COBL: variants seen among roughly 807,000 people sequenced by gnomAD.
The protein encoded by COBL is cordon-bleu WH2 repeat protein.
Under a neutral mutation model 98.8 loss-of-function variants are expected in COBL, and 51 were observed. That is an observed-to-expected ratio of 0.52 (90% CI 0.41 to 0.65). COBL has a LOEUF of 0.65. Among genes scored for constraint, COBL ranks in the 30% least tolerant of loss-of-function variants. COBL has a pLI of 0.00. For synonymous variants in COBL, 634 were observed against 651.7 expected (o/e 0.97, Z 0.41); for missense variants, 1,617 against 1,617.5 (o/e 1.00, Z 0.01).
intron 1 of COBL, among the ~76,000 whole-genome samples, chr7:51,305,369 G>A (rs1449625378): frequency 6.6e-6 from 1 of 152,120 alleles, no homozygotes; most frequent in African/African-American, 2.4e-5. Flanking sequence ...CTCAGAAAAT[G>A]AAAAGTAAAC....
intron 1 of COBL, among the ~76,000 whole-genome samples, chr7:51,280,814 G>A (rs1386061915): frequency 3.3e-5 from 5 of 152,162 alleles, no homozygotes; most frequent in Non-Finnish European, 7.3e-5. Context: ...GAGAAGATCT[G>A]AAGAGCACTG....
chr7:51,256,585 G>A (rs1371894197), intron 1 of COBL, among the ~76,000 whole-genome samples: 1 of 152,226 alleles, frequency 6.6e-6, no homozygotes, highest in African/African-American at 2.4e-5. Flanking sequence ...CCACTACCCG[G>A]ATCCACATCC....
At chr7:51,032,174 G>T (rs116537476) in intron 8 of COBL, 1 of 152,222 alleles carries the variant, frequency 6.6e-6, no homozygotes, top group Non-Finnish European at 1.5e-5. Flanking sequence ...GCCCAAGAAG[G>T]ACCAGCTGCA....
intron 5 of COBL, among the ~76,000 whole-genome samples, chr7:51,147,031 A>G (rs886502126): frequency 3.9e-5 from 6 of 152,162 alleles, no homozygotes; most frequent in Non-Finnish European, 7.4e-5. Context: ...TCTGCAGGCC[A>G]GGGTCCCTGC....
intron 1 of COBL, among the ~76,000 whole-genome samples, chr7:51,260,961 T>G (rs967158120): frequency 2.0e-5 from 3 of 152,140 alleles, no homozygotes; most frequent in African/African-American, 7.2e-5. Context: ...TGAGGGCATC[T>G]CATGAACTTT....
At chr7:51,099,703 G>T (rs557142055) in intron 6 of COBL, among the ~76,000 whole-genome samples, 2 of 152,006 alleles carry the variant, frequency 1.3e-5, no homozygotes, top group South Asian at 2.1e-4. Flanking sequence ...AAATGATTAA[G>T]ATTATACATT....
chr7:51,203,075 G>C lies in COBL; in HGVS notation c.246-9486C>G, dbSNP rs6969446. 3.3e-3 allele frequency among the ~76,000 whole-genome samples: 504 copies of C among 151,134 alleles called. 4 individuals carry two copies. Among genetic ancestry groups the C allele is most frequent in the African/African-American group, 0.012 (483 of 41,216 alleles). ...GAATAATGAGGAGGAGGAGGAGGAA[G>C]ATCTCAAATAAACAACCTAACTTTA... On this transcript the variant is annotated intron_variant, in intron 2 of 12. Coordinates refer to ENST00000265136, the MANE Select transcript of COBL (RefSeq NM_015198.5).
chr7:51,241,571 A>C (rs1795796996), intron 1 of COBL, among the ~76,000 whole-genome samples: 1 of 152,198 alleles, frequency 6.6e-6, no homozygotes, highest in African/African-American at 2.4e-5. Flanking sequence ...GAAACAAGTT[A>C]ATCTATATTT....
At position 51,103,191 on chromosome 7, in the gene COBL, C is replaced by G. The variant is rs533537524; in HGVS notation, c.958-17887G>C. On this transcript the variant is annotated intron_variant, in intron 6 of 12. Coordinates refer to ENST00000265136, the MANE Select transcript of COBL (RefSeq NM_015198.5). The stretch of plus-strand genomic sequence containing the variant: ...ACAACACAGAGTATCAATGACCATG[C>G]TTGTTTTTTTATCAAAGTGTAAGTG... 4.7e-4 allele frequency among the ~76,000 whole-genome samples: 71 copies of G among 152,250 alleles called. 1 individual carries two copies. The highest frequency in any genetic ancestry group is 1.6e-3 in the African/African-American group (68 of 41,536).
intron 7 of COBL, among the ~76,000 whole-genome samples, chr7:51,084,443 G>A (rs1211266472): frequency 6.6e-6 from 1 of 152,096 alleles, no homozygotes; most frequent in Non-Finnish European, 1.5e-5. Context: ...CCACTCCATG[G>A]AAGAGCCATT....
intron 1 of COBL, among the ~76,000 whole-genome samples, chr7:51,290,540 T>G (rs1404429632): frequency 6.6e-6 from 1 of 152,174 alleles, no homozygotes; most frequent in Non-Finnish European, 1.5e-5. Flanking sequence ...AACACAGATA[T>G]CAGAACAAAG....
Position 51,028,420 on chromosome 7 carries a change from G to T in COBL, c.2676C>A (p.Ala892=). Residue 892 remains alanine, a synonymous_variant, in exon 10 of 13, where the codon GCC becomes GCA. Transcript: ENST00000265136. ...HADVVRPHGY[A]EKGYAGKAPV... is the part of the protein sequence containing the mutation. ...GCGCCTTGCCTGCATAACCCTTCTCGGCATAACCGTGTGGCCTCACCACAT... is the reference window on the plus strand; with the variant it reads ...GCGCCTTGCCTGCATAACCCTTCTCTGCATAACCGTGTGGCCTCACCACAT... 1 of 1,614,236 alleles carries T rather than the reference G, an allele frequency of 6.2e-7. No individual in the cohort carries two copies. The highest frequency in any genetic ancestry group is 1.3e-5 in the African/African-American group (1 of 75,056).
At chr7:51,200,306 A>G (rs1425273756) in intron 2 of COBL, among the ~76,000 whole-genome samples, 2 of 152,238 alleles carry the variant, frequency 1.3e-5, no homozygotes, top group African/African-American at 4.8e-5. Flanking sequence ...GCATATGAAA[A>G]TATGAATCTC....
At chr7:51,074,675 G>GAA (rs1413976311) in intron 7 of COBL, among the ~76,000 whole-genome samples, 1 of 152,154 alleles carries the variant, frequency 6.6e-6, no homozygotes, top group Non-Finnish European at 1.5e-5. Context: ...CATCAGCTTA[G>GAA]GGCTTGAGCA....
Position 51,276,363 on chromosome 7 carries a change from A to C in COBL, c.41+40230T>G, listed in dbSNP as rs1363531400. On this transcript the variant is annotated intron_variant, in intron 1 of 12. Coordinates refer to ENST00000265136, the MANE Select transcript of COBL (RefSeq NM_015198.5). ...CCTGTCCTGGGGTTCCTTCTGGGAA[A>C]GGCGAATGGAACCTGAGCTTCTATG... 3.3e-5 allele frequency among the ~76,000 whole-genome samples: 5 copies of C among 152,290 alleles called. No individual in the cohort carries two copies. The South Asian group carries it at 8.3e-4, about 25-fold the overall frequency.
At chr7:51,247,036 CAG>C (rs1443533620) in intron 1 of COBL, among the ~76,000 whole-genome samples, 1 of 152,194 alleles carries the variant, frequency 6.6e-6, no homozygotes, top group East Asian at 1.9e-4. Flanking sequence ...CTGCAGGACT[CAG>C]TGCCTCACAA....
At chr7:51,024,080 C>T (rs1419366401) in intron 12 of COBL, among the ~76,000 whole-genome samples, 1 of 152,150 alleles carries the variant, frequency 6.6e-6, no homozygotes, top group Non-Finnish European at 1.5e-5. Context: ...GAGGCCGAGA[C>T]AGGCGGATCA....
At chr7:51,276,776 G>A (rs1414223039) in intron 1 of COBL, among the ~76,000 whole-genome samples, 1 of 152,170 alleles carries the variant, frequency 6.6e-6, no homozygotes, top group Non-Finnish European at 1.5e-5. Context: ...GGAGATGGGA[G>A]GAAAACCCAA....
chr7:51,189,523 A>G (rs1789891048), intron 4 of COBL, among the ~76,000 whole-genome samples: 1 of 152,088 alleles, frequency 6.6e-6, no homozygotes, highest in Non-Finnish European at 1.5e-5. Context: ...AATCCCAGCT[A>G]CTCAGGAGGC....
Sources: gnomAD v4.1 joint callset for allele counts (sites outside exome capture counted in the v4.1 genomes callset) on GRCh38, gnomAD v4.1.1 for gene constraint, MANE v1.5 for transcripts, NCBI Gene and HGNC (gene_info 2026-07-23, HGNC 2026-07-21) for gene names.